Variants in CCDC171 observed in about 807,000 individuals in gnomAD.
CCDC171 encodes the protein coiled-coil domain-containing protein 171.
CCDC171 carries 177 observed loss-of-function variants against 168.2 expected under a neutral mutation model. The observed-to-expected ratio is 1.05, with a 90% confidence interval of 0.93 to 1.19. CCDC171 has a LOEUF of 1.19. Ranked by LOEUF, CCDC171 falls within the 50% of genes most tolerant of loss-of-function variation. The probability of loss-of-function intolerance (pLI) is 0.00; values close to 1 mark genes in which losing one functional copy is unlikely to be tolerated. For synonymous variants in CCDC171, 687 were observed against 540.8 expected (o/e 1.27, Z -3.75); for missense variants, 1,991 against 1,539.0 (o/e 1.29, Z -4.91).
chr9:15,902,616 G>T (rs78069214), intron 24 of CCDC171, among the ~76,000 whole-genome samples: 2,682 of 152,240 alleles, frequency 0.018, 97 homozygotes, highest in African/African-American at 0.062. Flanking sequence ...CAATGCAGAA[G>T]ATAGGTGATT....
chr9:15,946,544 T>C (rs941508542), intron 25 of CCDC171, among the ~76,000 whole-genome samples: 3 of 151,998 alleles, frequency 2.0e-5, no homozygotes. Context: ...TGGAAGAACA[T>C]TCCATGCTCA....
intron 25 of CCDC171, among the ~76,000 whole-genome samples, chr9:15,947,757 AT>A (rs892532045): frequency 2.7e-5 from 4 of 149,460 alleles, no homozygotes; most frequent in Admixed American, 1.3e-4. Context: ...TGGTGATTCT[AT>A]TTTTTTTTCC....
At chr9:16,075,798 T>C in the CCDC171 span, among the ~76,000 whole-genome samples, 1 of 152,142 alleles carries the variant, frequency 6.6e-6, no homozygotes, top group African/African-American at 2.4e-5. Context: ...AACCCATTAA[T>C]GGGTCACACA....
chr9:15,987,859 A>T (rs1005169653), intron 3 of CCDC171, among the ~76,000 whole-genome samples: 1 of 152,190 alleles, frequency 6.6e-6, no homozygotes, highest in African/African-American at 2.4e-5. Context: ...TATATACCTT[A>T]TACACACGGC....
intron 1 of CCDC171, among the ~76,000 whole-genome samples, chr9:15,562,019 G>T (rs961997095): frequency 6.6e-6 from 1 of 151,620 alleles, no homozygotes; most frequent in African/African-American, 2.4e-5. Context: ...TTTTAAGATG[G>T]AGTCTTACTC....
rs531469463 is a variant in CCDC171 at position 15,864,631 on chromosome 9, G to C, written c.3469-9901G>C. On this transcript the variant is annotated intron_variant, in intron 23 of 25. Transcript: ENST00000380701. The stretch of plus-strand genomic sequence containing the variant: ...ATGTGCCTAAGTATTTCTATTGTGT[G>C]GGGTAAAGGGAAAGCACAACAATTA... Among the ~76,000 whole-genome samples, 10 of 152,146 alleles carry C rather than the reference G, an allele frequency of 6.6e-5. No individual in the cohort carries two copies. In the East Asian group the frequency reaches 1.9e-3, roughly 30 times the overall value.
At position 15,625,864 on chromosome 9, in the gene CCDC171, G is replaced by A. The variant is rs543351327; in HGVS notation, c.822+2451G>A. On this transcript the variant is annotated intron_variant, in intron 7 of 25. Transcript: ENST00000380701. ...TTCCAATTCTGTGAAGAAAGTCATT[G>A]GTAGCTTGATGGGGATGGCATTGAA... Among the ~76,000 whole-genome samples, 777 of 152,268 alleles carry A rather than the reference G, an allele frequency of 5.1e-3. 5 individuals are homozygous for A. The highest frequency in any genetic ancestry group is 0.018 in the African/African-American group (760 of 41,558).
At position 15,809,816 on chromosome 9, in the gene CCDC171, G is replaced by A. The variant is rs186693090; in HGVS notation, c.3267+25122G>A. 6.6e-4 allele frequency among the ~76,000 whole-genome samples: 101 copies of A among 152,308 alleles called. 1 individual carries two copies. The South Asian group carries it at 0.011, about 16-fold the overall frequency. ...ACAATGTGGAAGAGGACCCGAACGG[G>A]TTGCCACTGCTGCCTGGGGCAGCCT... On this transcript the variant is annotated intron_variant, in intron 21 of 25. Coordinates refer to ENST00000380701, the MANE Select transcript of CCDC171 (RefSeq NM_173550.4).
rs1432997987 is a variant in CCDC171 at position 15,971,666 on chromosome 9, GAC to G, written c.3815_3816del (p.Thr1272AsnfsTer12). The G allele has an allele frequency of 6.2e-7, 1 of 1,613,666 alleles. No homozygotes were observed. The highest frequency in any genetic ancestry group is 8.5e-7 in the Non-Finnish European group (1 of 1,179,882). On this transcript the variant is annotated frameshift_variant, in exon 26 of 26. Coordinates refer to ENST00000380701, the MANE Select transcript of CCDC171 (RefSeq NM_173550.4). LOFTEE classifies it high-confidence loss of function. The part of the protein sequence containing the change: ...SIPSRAPLPA[D>X]TTGIGDFLPL... ...TCCTTCAAGAGCTCCTCTTCCTGCT[GAC>G]ACAACTGGTATTGGGGATTTCTTAC...
chr9:15,968,496 A>G (rs933410191), intron 25 of CCDC171, among the ~76,000 whole-genome samples: 1 of 151,350 alleles, frequency 6.6e-6, no homozygotes, highest in Admixed American at 6.6e-5. Flanking sequence ...GTATTTTAAC[A>G]TCACATTCTC....
intron 21 of CCDC171, among the ~76,000 whole-genome samples, chr9:15,830,312 T>C (rs963500775): frequency 1.3e-5 from 2 of 152,238 alleles, no homozygotes; most frequent in Non-Finnish European, 2.9e-5. Context: ...TAGTTTTACA[T>C]GTTATAACCA....
downstream of CCDC171, among the ~76,000 whole-genome samples, chr9:15,975,245 G>A (rs1338510309): frequency 6.6e-6 from 1 of 152,118 alleles, no homozygotes; most frequent in East Asian, 1.9e-4. Context: ...AAAATGTTAA[G>A]CTTTTGGCTA....
intron 2 of CCDC171, among the ~76,000 whole-genome samples, chr9:15,565,815 C>T (rs991928453): frequency 6.6e-6 from 1 of 152,186 alleles, no homozygotes; most frequent in Non-Finnish European, 1.5e-5. Context: ...TGCTGCTGTG[C>T]ATGTTTGCAT....
chr9:15,599,591 T>G (rs2042666128), intron 6 of CCDC171, among the ~76,000 whole-genome samples: 1 of 152,204 alleles, frequency 6.6e-6, no homozygotes, highest in African/African-American at 2.4e-5. Flanking sequence ...ATTTTTTCCT[T>G]CATTTCAACT....
chr9:15,845,742 A>C (rs2130725911), intron 21 of CCDC171: 1 of 152,236 alleles, frequency 6.6e-6, no homozygotes, highest in Non-Finnish European at 1.5e-5. Context: ...AACAAATTTA[A>C]TAAAAAACTG....
chr9:15,718,439 C>T (rs2134142077), intron 11 of CCDC171, among the ~76,000 whole-genome samples: 1 of 152,336 alleles, frequency 6.6e-6, no homozygotes, highest in Admixed American at 6.5e-5. Flanking sequence ...TGGCTGGCTT[C>T]ACTACCTGCT....
intron 16 of CCDC171, among the ~76,000 whole-genome samples, chr9:15,734,563 T>C (rs182052899): frequency 4.1e-4 from 62 of 152,188 alleles, no homozygotes; most frequent in African/African-American, 1.4e-3. Context: ...AATAAATAAA[T>C]AAATAAATAG....
the CCDC171 span, among the ~76,000 whole-genome samples, chr9:16,106,517 C>A: frequency 6.6e-6 from 1 of 152,192 alleles, no homozygotes; most frequent in Non-Finnish European, 1.5e-5. Context: ...CTCTCCAAAA[C>A]CCCAAAGGGT....
chr9:15,744,881 G>A, intron 17 of CCDC171, 104 bp downstream of exon 17: 2 of 1,044,492 alleles, frequency 1.9e-6, no homozygotes, highest in East Asian at 2.6e-5. Context: ...CATGTAATAT[G>A]CCAAATAATA....
Sources: gnomAD v4.1 joint callset for allele counts (sites outside exome capture counted in the v4.1 genomes callset) on GRCh38, gnomAD v4.1.1 for gene constraint, MANE v1.5 for transcripts, NCBI Gene and HGNC (gene_info 2026-07-23, HGNC 2026-07-21) for gene names.